PPIF: variants seen among roughly 807,000 people sequenced by gnomAD.
The protein encoded by PPIF is peptidyl-prolyl cis-trans isomerase F, mitochondrial.
A neutral mutation model predicts 20.2 loss-of-function variants in PPIF; 23 were observed. The observed-to-expected ratio is 1.14, with a 90% CI of 0.82 to 1.61. The LOEUF is 1.61. Among genes scored for constraint, PPIF ranks in the 40% most tolerant of loss-of-function variants. The probability of loss-of-function intolerance (pLI) is 0.00; values close to 1 mark genes in which losing one functional copy is unlikely to be tolerated. For missense variants in PPIF, 287 were observed against 291.6 expected, an observed-to-expected ratio of 0.98 and a Z score of 0.11; for synonymous variants, 113 against 123.1, an observed-to-expected ratio of 0.92 and a Z score of 0.54.
At position 79,347,535 on chromosome 10, in the gene PPIF, G is replaced by T; in HGVS notation, c.-14G>T. The T allele has an allele frequency of 7.7e-7, 1 of 1,297,822 alleles. No individual in the cohort carries two copies. Among genetic ancestry groups the T allele is most frequent in the South Asian group, 2.4e-5 (1 of 41,164 alleles). The allele number at this position is 1,297,822 out of a possible 1,614,324, so 80.4% of individuals were successfully genotyped here. ...TGTTCTCCCCGCCCGTGTCCCGCCC[G>T]ACCCGCGCCCGCGATGCTGGCGCTG... On this transcript the variant is annotated 5_prime_UTR_variant, in exon 1 of 6. Coordinates refer to ENST00000225174, the MANE Select transcript of PPIF (RefSeq NM_005729.4).
Position 79,351,519 on chromosome 10 carries a change from C to G in PPIF, c.348C>G (p.Gly116=). ...ACTTCACCAACCACAATGGCACAGG[C>G]GGGAAGTCCATCTACGGAAGCCGCT... ...AGDFTNHNGT[G]GKSIYGSRFP... is the part of the protein sequence containing the mutation. The change falls in exon 4 of 6, where the codon GGC becomes GGG. Residue 116 remains glycine (G), a synonymous_variant. Transcript: ENST00000225174. 6.2e-7 allele frequency: 1 copy of G among 1,614,004 alleles called. No homozygotes were observed. Among genetic ancestry groups the G allele is most frequent in the Non-Finnish European group, 8.5e-7 (1 of 1,179,946 alleles).
intron 1 of PPIF, among the ~76,000 whole-genome samples, chr10:79,348,305 G>C (rs1014125183): frequency 6.6e-6 from 1 of 152,182 alleles, no homozygotes; most frequent in East Asian, 1.9e-4. Context: ...CCCCTCCTGC[G>C]AGTCGGGACA....
At chr10:79,347,989 CAG>C (rs2132149453) in intron 1 of PPIF, among the ~76,000 whole-genome samples, 1 of 151,726 alleles carries the variant, frequency 6.6e-6, no homozygotes, top group South Asian at 2.1e-4. Flanking sequence ...GGTCAGATCG[CAG>C]AGAGGGAGGG....
rs1856023732 is a variant in PPIF, at chr10:79,354,465, A to G, written c.*623A>G. On this transcript the variant is annotated 3_prime_UTR_variant, in exon 6 of 6. Transcript: ENST00000225174. ...CTGCTGTCGTTTTTGAGGAGGGCCC[A>G]TGGGGGTAGGAGCAGTTGAACCTGG... 1 of 153,998 alleles carries G rather than the reference A, an allele frequency of 6.5e-6. No homozygotes were observed. The highest frequency in any genetic ancestry group is 2.4e-5 in the African/African-American group (1 of 41,428). 9.5% of individuals were successfully genotyped at this position (153,998 alleles called of 1,614,324 possible).
chr10:79,354,102 G>A lies in PPIF; in HGVS notation c.*260G>A. ...ACCCACCCCTTGTCAAGCATTGCCT[G>A]TGATTGCCCAGCCCAGATTCATCTG... On this transcript the variant is annotated 3_prime_UTR_variant, in exon 6 of 6. Coordinates refer to ENST00000225174, the MANE Select transcript of PPIF (RefSeq NM_005729.4). 1 of 507,618 alleles carries A rather than the reference G, an allele frequency of 2.0e-6. No individual in the cohort carries two copies. The highest frequency in any genetic ancestry group is 3.4e-5 in the Admixed American group (1 of 29,074). 31.4% of individuals were successfully genotyped at this position (507,618 alleles called of 1,614,324 possible).
rs544755246 is a variant in PPIF, at chr10:79,352,425, C to T, written c.488+33C>T. 601 of 1,592,998 alleles carry T rather than the reference C, an allele frequency of 3.8e-4. 4 individuals carry two copies. Among genetic ancestry groups the T allele is most frequent in the South Asian group, 3.5e-3 (316 of 90,606 alleles). ...CCCTGCCCCAGGCCCTCTGGGAATG[C>T]GGGCAGCCTTGCAGCTGGAGGAGGA... On this transcript the variant is annotated intron_variant, in intron 5 of 5. Coordinates refer to ENST00000225174, the MANE Select transcript of PPIF (RefSeq NM_005729.4).
rs759985874 is a variant in PPIF, at chr10:79,352,321, C to A, written c.417C>A (p.Val139=). The A allele has an allele frequency of 6.2e-7, 1 of 1,614,150 alleles. No homozygotes were observed. Among genetic ancestry groups the A allele is most frequent in the East Asian group, 2.2e-5 (1 of 44,884 alleles). The change falls in exon 5 of 6, where the codon GTC becomes GTA. Residue 139 remains valine (V), a synonymous_variant. Coordinates refer to ENST00000225174, the MANE Select transcript of PPIF (RefSeq NM_005729.4). ...CAGCCCTGCTGGTTTTTGCAGGTGTCCTGTCCATGGCTAATGCTGGTCCTA... is the reference window on the plus strand; with the variant it reads ...CAGCCCTGCTGGTTTTTGCAGGTGTACTGTCCATGGCTAATGCTGGTCCTA... ...NFTLKHVGPG[V]LSMANAGPNT...
rs763637035 is a variant in PPIF at position 79,347,741 on chromosome 10, G to T, written c.193G>T (p.Glu65Ter). The T allele has an allele frequency of 7.3e-6, 10 of 1,366,034 alleles. No homozygotes were observed. The highest frequency in any genetic ancestry group is 3.1e-5 in the Admixed American group (1 of 32,082). The allele number at this position is 1,366,034 out of a possible 1,614,324, so 84.6% of individuals were successfully genotyped here. ...GAAGCCGCTCGGCCGCGTGGTGCTG[G>T]AGGTGAGACCGCTCGCAGGGCCGGC... ...NGKPLGRVVL[E>*]LKADVVPKTA... Residue 65 changes from glutamate to a stop codon, truncating the protein, a stop_gained and splice_region_variant, in exon 1 of 6, where the codon GAG becomes TAG. Transcript: ENST00000225174. LOFTEE classifies it high-confidence loss of function.
chr10:79,349,892 G>T (rs1855958085), intron 3 of PPIF, 139 bp downstream of exon 3: 1 of 1,483,660 alleles, frequency 6.7e-7, no homozygotes, highest in Non-Finnish European at 9.0e-7. Context: ...CCCTGCATTA[G>T]CCCTGTATCC....
rs1019121902 is a variant in PPIF, at chr10:79,347,478, T to A, written c.-71T>A. On this transcript the variant is annotated 5_prime_UTR_variant, in exon 1 of 6. Transcript: ENST00000225174. The stretch of plus-strand genomic sequence containing the variant: ...CGCGCGGCTGCGCGGGACTCGGCCT[T>A]CTGGGCGCGCGCGACGTCAGTTTGA... The A allele has an allele frequency of 1.1e-5, 14 of 1,249,790 alleles. No individual in the cohort carries two copies. The African/African-American group carries it at 2.0e-4, about 18-fold the overall frequency. The allele number at this position is 1,249,790 out of a possible 1,614,324, so 77.4% of individuals were successfully genotyped here.
At chr10:79,351,701 C>T in intron 4 of PPIF, 118 bp downstream of exon 4, 1 of 842,218 alleles carries the variant, frequency 1.2e-6, no homozygotes, top group Non-Finnish European at 1.9e-6. Flanking sequence ...AGTCTCCTTC[C>T]TCCCTGCGAC....
chr10:79,354,195 C>A lies in PPIF; in HGVS notation c.*353C>A. 3.5e-6 allele frequency: 1 copy of A among 288,896 alleles called. No individual in the cohort carries two copies. The highest frequency in any genetic ancestry group is 6.7e-6 in the Non-Finnish European group (1 of 150,266). 17.9% of individuals were successfully genotyped at this position (288,896 alleles called of 1,614,324 possible). The stretch of plus-strand genomic sequence containing the variant: ...AAGTCTTTTCCTTGACCAAGGGGGA[C>A]AGTCAGTTTTGCAAAAGGACTCTAA... On this transcript the variant is annotated 3_prime_UTR_variant, in exon 6 of 6. Coordinates refer to ENST00000225174, the MANE Select transcript of PPIF (RefSeq NM_005729.4).
At chr10:79,349,321 A>G (rs1347619496) in intron 2 of PPIF, among the ~76,000 whole-genome samples, 2 of 152,184 alleles carry the variant, frequency 1.3e-5, no homozygotes, top group African/African-American at 4.8e-5. Flanking sequence ...AGTAGCTGGG[A>G]GCCTCAGAGC....
rs138498280 is a variant in PPIF, at chr10:79,349,713, G to T, written c.275G>T (p.Gly92Val). ...CTGEKGFGYK[G>V]STFHRVIPSF... is the part of the protein sequence containing the mutation. ...GGTGAGAAGGGCTTCGGCTACAAAG[G>T]CTCCACCTTCCACAGGGTGATCCCT... The change falls in exon 3 of 6, where the codon GGC becomes GTC. Residue 92 changes from glycine to valine, a missense_variant. Coordinates refer to ENST00000225174, the MANE Select transcript of PPIF (RefSeq NM_005729.4). 5.0e-6 allele frequency: 8 copies of T among 1,613,854 alleles called. No homozygotes were observed. Among genetic ancestry groups the T allele is most frequent in the East Asian group, 4.5e-5 (2 of 44,894 alleles).
At chr10:79,349,468 C>T (rs1040199069) in intron 2 of PPIF, among the ~76,000 whole-genome samples, 197 bp from the exon 3 acceptor site, 19 of 152,240 alleles carry the variant, frequency 1.2e-4, no homozygotes, top group South Asian at 2.1e-4. Flanking sequence ...TGTCACAGTG[C>T]TCAGGTACTG....
chr10:79,353,797 G>A lies in PPIF; in HGVS notation c.579G>A (p.Arg193=). The A allele has an allele frequency of 6.2e-7, 1 of 1,614,238 alleles. No individual in the cohort carries two copies. The highest frequency in any genetic ancestry group is 8.5e-7 in the Non-Finnish European group (1 of 1,180,042). The part of the protein sequence containing the change: ...KIESFGSKSG[R]TSKKIVITDC... Reference sequence around the variant, plus strand: ...AATCTTTCGGCTCTAAGAGTGGGAGGACATCCAAGAAGATTGTCATCACAG... The same window carrying A: ...AATCTTTCGGCTCTAAGAGTGGGAGAACATCCAAGAAGATTGTCATCACAG... Residue 193 remains arginine, a synonymous_variant, in exon 6 of 6, where the codon AGG becomes AGA. Coordinates refer to ENST00000225174, the MANE Select transcript of PPIF (RefSeq NM_005729.4).
In PPIF at chr10:79,353,944, C is replaced by T; in HGVS notation, c.*102C>T. On this transcript the variant is annotated 3_prime_UTR_variant, in exon 6 of 6. Coordinates refer to ENST00000225174, the MANE Select transcript of PPIF (RefSeq NM_005729.4). Reference sequence around the variant, plus strand: ...AGGTGCCTGAAACGATACGTGTGCCCACTCCACTGTCACAGTGTGCCTGAG... The same window carrying T: ...AGGTGCCTGAAACGATACGTGTGCCTACTCCACTGTCACAGTGTGCCTGAG... The T allele has an allele frequency of 7.7e-7, 1 of 1,293,704 alleles. No individual in the cohort carries two copies. The highest frequency in any genetic ancestry group is 1.1e-6 in the Non-Finnish European group (1 of 926,362). 80.1% of individuals were successfully genotyped at this position (1,293,704 alleles called of 1,614,324 possible). A position where few individuals can be genotyped will look rare whatever the true frequency, so the allele number is the denominator to read the frequency against.
In PPIF at chr10:79,347,650, C is replaced by A; in HGVS notation, c.102C>A (p.Ser34=). The A allele has an allele frequency of 6.8e-7, 1 of 1,464,620 alleles. No individual in the cohort carries two copies. Among genetic ancestry groups the A allele is most frequent in the Non-Finnish European group, 9.1e-7 (1 of 1,104,330 alleles). The allele number at this position is 1,464,620 out of a possible 1,614,324, so 90.7% of individuals were successfully genotyped here. A position where few individuals can be genotyped will look rare whatever the true frequency, so the allele number is the denominator to read the frequency against. ...CGGCCCGCGCCTGCAGCAAGGGCTC[C>A]GGCGACCCGTCCTCTTCCTCCTCCT... ...LPAARACSKG[S]GDPSSSSSSG... The change falls in exon 1 of 6, where the codon TCC becomes TCA. Residue 34 remains serine (S), a synonymous_variant. Transcript: ENST00000225174.
At chr10:79,350,449 C>G (rs1216295628) in intron 3 of PPIF, among the ~76,000 whole-genome samples, 1 of 152,158 alleles carries the variant, frequency 6.6e-6, no homozygotes, top group Non-Finnish European at 1.5e-5. Flanking sequence ...CTGTCATGAC[C>G]TCTTTGAAGA....
Sources: allele counts gnomAD v4.1 joint callset (sites outside exome capture counted in the v4.1 genomes callset), GRCh38; gene constraint gnomAD v4.1.1; transcripts MANE v1.5; gene names NCBI Gene and HGNC (gene_info 2026-07-23, HGNC 2026-07-21).